The following CUL3 variants were observed in gnomAD, a reference collection of about 807,000 sequenced individuals.
CUL3 encodes cullin-3.
CUL3 carries 19 observed loss-of-function variants against 89.1 expected under a neutral mutation model. The ratio of observed to expected loss-of-function variants is 0.21; its 90% confidence interval spans 0.15 to 0.31. The LOEUF is 0.31. Ranked by LOEUF, CUL3 falls within the 10% of genes least tolerant of loss-of-function variation. CUL3 has a pLI of 1.00. For missense variants in CUL3, 469 were observed against 942.3 expected, an observed-to-expected ratio of 0.50 and a Z score of 6.58; for synonymous variants, 351 against 308.4, an observed-to-expected ratio of 1.14 and a Z score of -1.45.
intron 8 of CUL3, among the ~76,000 whole-genome samples, chr2:224,504,688 G>A (rs549815820): frequency 7.6e-4 from 115 of 152,288 alleles, no homozygotes; most frequent in Middle Eastern, 6.8e-3. Context: ...CCAAATGAAT[G>A]CATAAATTAA....
At chr2:224,517,179 A>T (rs1693086224) in intron 3 of CUL3, among the ~76,000 whole-genome samples, 1 of 152,236 alleles carries the variant, frequency 6.6e-6, no homozygotes, top group Admixed American at 6.5e-5. Context: ...TGTACAGAAA[A>T]GCACCAGAGA....
Position 224,585,312 on chromosome 2 carries a change from G to A in CUL3, c.-303C>T. On this transcript the variant is annotated 5_prime_UTR_variant, in exon 1 of 16. Transcript: ENST00000264414. The stretch of plus-strand genomic sequence containing the variant: ...TTTATCGCGCTCCTCCGCGATGGCG[G>A]CGGCGGCGGCGACGGACAAACATCT... 2.5e-6 allele frequency: 1 copy of A among 402,140 alleles called. No homozygotes were observed. The highest frequency in any genetic ancestry group is 4.4e-6 in the Non-Finnish European group (1 of 229,290). 24.9% of individuals were successfully genotyped at this position (402,140 alleles called of 1,614,324 possible).
chr2:224,509,363 T>C (rs1049177544), intron 6 of CUL3, among the ~76,000 whole-genome samples: 2 of 152,186 alleles, frequency 1.3e-5, no homozygotes, highest in Non-Finnish European at 2.9e-5. Flanking sequence ...GGACTAGGCA[T>C]GTGCCATCAT....
At chr2:224,556,848 A>G (rs2106302446) in intron 2 of CUL3, among the ~76,000 whole-genome samples, 1 of 152,008 alleles carries the variant, frequency 6.6e-6, no homozygotes, top group Non-Finnish European at 1.5e-5. Context: ...ATCAATAGAA[A>G]AACTGGCAAA....
chr2:224,547,708 C>T (rs1254296220), intron 2 of CUL3, among the ~76,000 whole-genome samples: 1 of 152,026 alleles, frequency 6.6e-6, no homozygotes, highest in East Asian at 1.9e-4. Context: ...ATTCTTAACT[C>T]ACTGCAGTCA....
chr2:224,486,574 A>C (rs544508322), intron 13 of CUL3, among the ~76,000 whole-genome samples: 165 of 139,258 alleles, frequency 1.2e-3, no homozygotes, highest in South Asian at 2.9e-3. Flanking sequence ...GGGAAAAAAG[A>C]ATGAAAAGGA....
Position 224,578,379 on chromosome 2 carries a change from T to C in CUL3, c.66+6565A>G, listed in dbSNP as rs184273488. Among the ~76,000 whole-genome samples the C allele has an allele frequency of 2.9e-3, 445 of 152,302 alleles. 5 individuals are homozygous for C. The highest frequency in any genetic ancestry group is 0.01 in the Middle Eastern group (3 of 294). ...TGATTATCTTACCTTAATTTTACTG[T>C]CTGTTCAGCCAACAATATGAAATTA... On this transcript the variant is annotated intron_variant, in intron 1 of 15. Coordinates refer to ENST00000264414, the MANE Select transcript of CUL3 (RefSeq NM_003590.5).
chr2:224,478,466 A>C, intron 14 of CUL3, 121 bp from the exon 15 acceptor site: 1 of 779,432 alleles, frequency 1.3e-6, no homozygotes, highest in South Asian at 2.3e-5. Flanking sequence ...GAATATACAC[A>C]CTTATTAATT....
intron 14 of CUL3, chr2:224,478,646 C>A: frequency 4.2e-6 from 1 of 239,404 alleles, no homozygotes; most frequent in Non-Finnish European, 8.1e-6. Flanking sequence ...GTAAAATTAC[C>A]AGTAAATAAT....
chr2:224,525,470 CAT>C (rs1574656997), intron 3 of CUL3, among the ~76,000 whole-genome samples: 1 of 152,122 alleles, frequency 6.6e-6, no homozygotes, highest in Non-Finnish European at 1.5e-5. Flanking sequence ...GTATTTAAAA[CAT>C]GTGGCACAGT....
Position 224,585,298 on chromosome 2 carries a change from C to A in CUL3, c.-289G>T, listed in dbSNP as rs538985622. On this transcript the variant is annotated 5_prime_UTR_variant, in exon 1 of 16. Transcript: ENST00000264414. ...CCGGCTCGGCTCCCTTTATCGCGCT[C>A]CTCCGCGATGGCGGCGGCGGCGGCG... 1.2e-5 allele frequency: 5 copies of A among 401,080 alleles called. No individual in the cohort carries two copies. Among genetic ancestry groups the A allele is most frequent in the African/African-American group, 1.0e-4 (5 of 48,368 alleles). The allele number at this position is 401,080 out of a possible 1,614,324, so 24.8% of individuals were successfully genotyped here.
chr2:224,534,451 T>A (rs540887827), intron 3 of CUL3, among the ~76,000 whole-genome samples: 1 of 152,170 alleles, frequency 6.6e-6, no homozygotes, highest in East Asian at 1.9e-4. Flanking sequence ...GAAAAAATAA[T>A]TGTATTAATA....
intron 1 of CUL3, among the ~76,000 whole-genome samples, chr2:224,580,757 G>A (rs542851335): frequency 6.6e-6 from 1 of 152,012 alleles, no homozygotes; most frequent in Non-Finnish European, 1.5e-5. Context: ...ATCTGGAGTA[G>A]TATCTATAAA....
chr2:224,515,741 G>GCCTGTTGT (rs1427805522), intron 3 of CUL3, among the ~76,000 whole-genome samples: 5 of 151,856 alleles, frequency 3.3e-5, no homozygotes, highest in African/African-American at 7.3e-5. Context: ...TGTTGTCTGG[G>GCCTGTTGT]CTGGAGTACA....
chr2:224,489,305 G>GA (rs1691862821), intron 13 of CUL3, among the ~76,000 whole-genome samples: 1 of 152,172 alleles, frequency 6.6e-6, no homozygotes. Flanking sequence ...AGGAAGAGAG[G>GA]AAGTCAAATT....
chr2:224,584,823 G>C, intron 1 of CUL3, 121 bp downstream of exon 1: 1 of 556,700 alleles, frequency 1.8e-6, no homozygotes, highest in Non-Finnish European at 2.4e-6. Context: ...CCCGCGGCCG[G>C]CGGGCGTGGG....
chr2:224,584,446 TGATGGCATA>T (rs1695523492), intron 1 of CUL3, among the ~76,000 whole-genome samples: 1 of 152,160 alleles, frequency 6.6e-6, no homozygotes, highest in East Asian at 1.9e-4. Context: ...GGGGGCAGGT[TGATGGCATA>T]GACCTTCCTG....
chr2:224,486,535 T>C (rs1440711124), intron 13 of CUL3, among the ~76,000 whole-genome samples: 1 of 151,580 alleles, frequency 6.6e-6, no homozygotes, highest in Non-Finnish European at 1.5e-5. Flanking sequence ...AAGATCAACT[T>C]AATGAAATAA....
intron 1 of CUL3, chr2:224,562,989 C>T (rs529485613): frequency 9.1e-5 from 19 of 209,004 alleles, no homozygotes; most frequent in Admixed American, 5.4e-4. Flanking sequence ...TAAATGAGAA[C>T]GTCAGTAGAT....
Sources: gnomAD v4.1 joint callset for allele counts (sites outside exome capture counted in the v4.1 genomes callset) on GRCh38, gnomAD v4.1.1 for gene constraint, MANE v1.5 for transcripts, NCBI Gene and HGNC (gene_info 2026-07-23, HGNC 2026-07-21) for gene names.